KALRN: variants seen among roughly 807,000 people sequenced by gnomAD.
KALRN encodes kalirin.
Under a neutral mutation model 353.7 loss-of-function variants are expected in KALRN, and 70 were observed. The observed-to-expected ratio is 0.20, with a 90% confidence interval of 0.16 to 0.24. The LOEUF (loss-of-function observed/expected upper bound fraction) is 0.24, where lower values mean the gene tolerates loss of function less well. Ranked by LOEUF, KALRN falls within the 10% of genes least tolerant of loss-of-function variation. The pLI, the probability that KALRN is intolerant of heterozygous loss-of-function variation, is 1.00. For synonymous variants in KALRN, 1,391 were observed against 1,434.8 expected (o/e 0.97, Z 0.69); for missense variants, 2,791 against 3,756.7 (o/e 0.74, Z 6.72).
chr3:124,657,300 AC>A (rs11290385), intron 39 of KALRN, 147 bp from the exon 40 acceptor site: 31,906 of 617,026 alleles, frequency 0.052, 1,317 homozygotes, highest in African/African-American at 0.17. Flanking sequence ...GGGGTTAAAG[AC>A]CTGGTTGAAT....
intron 34 of KALRN, among the ~76,000 whole-genome samples, chr3:124,623,427 C>CACACACAA (rs139583497): frequency 7.6e-4 from 112 of 147,128 alleles, no homozygotes; most frequent in Non-Finnish European, 1.1e-3. Context: ...CACACACACA[C>CACACACAA]AAAAGGGAGT....
intron 1 of KALRN, among the ~76,000 whole-genome samples, chr3:124,078,590 G>T (rs2060380690): frequency 1.3e-5 from 2 of 152,072 alleles, no homozygotes; most frequent in Non-Finnish European, 2.9e-5. Flanking sequence ...CACTGAGGAG[G>T]ATATGGGAGC....
chr3:124,594,462 G>C (rs1048560400), intron 34 of KALRN, among the ~76,000 whole-genome samples: 2 of 152,152 alleles, frequency 1.3e-5, no homozygotes, highest in Admixed American at 6.5e-5. Flanking sequence ...TTGACCTTGT[G>C]ATCCGCCTGC....
At chr3:124,189,018 T>C (rs2074576511) in intron 1 of KALRN, among the ~76,000 whole-genome samples, 1 of 152,176 alleles carries the variant, frequency 6.6e-6, no homozygotes, top group Admixed American at 6.5e-5. Flanking sequence ...TTATCTTTCT[T>C]ATACTTGTCA....
At chr3:124,072,194 A>G (rs534847185) in intron 1 of KALRN, among the ~76,000 whole-genome samples, 5 of 152,282 alleles carry the variant, frequency 3.3e-5, no homozygotes, top group Admixed American at 2.6e-4. Flanking sequence ...CAATTTTCTA[A>G]ATACAATCCA....
chr3:124,579,375 G>A (rs1278329867), intron 34 of KALRN, among the ~76,000 whole-genome samples: 1 of 152,220 alleles, frequency 6.6e-6, no homozygotes, highest in Non-Finnish European at 1.5e-5. Context: ...TTAGGCTGCA[G>A]GTATCACTGA....
At chr3:124,342,935 G>C (rs1377456268) in intron 9 of KALRN, among the ~76,000 whole-genome samples, 1 of 152,196 alleles carries the variant, frequency 6.6e-6, no homozygotes, top group Non-Finnish European at 1.5e-5. Context: ...CTTCCACTCA[G>C]TTATTCAAGA....
intron 1 of KALRN, among the ~76,000 whole-genome samples, chr3:124,110,870 G>C (rs1211065398): frequency 6.6e-6 from 1 of 152,142 alleles, no homozygotes; most frequent in Non-Finnish European, 1.5e-5. Flanking sequence ...CTGGGGCAGA[G>C]GCCCTGGATG....
intron 9 of KALRN, among the ~76,000 whole-genome samples, chr3:124,340,676 T>G (rs2081604903): frequency 6.6e-6 from 1 of 152,142 alleles, no homozygotes; most frequent in Non-Finnish European, 1.5e-5. Flanking sequence ...ATTTTCCAGC[T>G]GGGCGTGGTG....
chr3:124,275,405 AGT>A (rs1284869609), intron 5 of KALRN, among the ~76,000 whole-genome samples: 1 of 152,258 alleles, frequency 6.6e-6, no homozygotes, highest in Admixed American at 6.5e-5. Flanking sequence ...ACATATTTAT[AGT>A]GGGTTCTTCT....
At chr3:124,101,483 A>G (rs1028134010) in intron 1 of KALRN, among the ~76,000 whole-genome samples, 3 of 152,196 alleles carry the variant, frequency 2.0e-5, no homozygotes, top group African/African-American at 4.8e-5. Context: ...CCAGGAATCT[A>G]CTTGGGTTTG....
chr3:124,120,709 AAAATATATATATATATATATAT>A (rs1382999547), intron 1 of KALRN, among the ~76,000 whole-genome samples: 9 of 112,748 alleles, frequency 8.0e-5, no homozygotes, highest in African/African-American at 1.6e-4. Flanking sequence ...AGGAATACTA[AAAATATATATATATATATATAT>A]ATATATATAT....
In KALRN at chr3:124,724,867, G is replaced by A. The variant is rs962306887; in HGVS notation, c.*5397G>A. ...ATTATGATAAGCCTGAAATTAATACGCACAGGCTATTGCATTTTTCTGTGA... is the reference window on the plus strand; with the variant it reads ...ATTATGATAAGCCTGAAATTAATACACACAGGCTATTGCATTTTTCTGTGA... On this transcript the variant is annotated 3_prime_UTR_variant, in exon 60 of 60. Transcript: ENST00000682506. The A allele has an allele frequency of 1.3e-5, 2 of 152,146 alleles. No individual in the cohort carries two copies. Among genetic ancestry groups the A allele is most frequent in the Non-Finnish European group, 2.9e-5 (2 of 68,026 alleles). The allele number at this position is 152,146 out of a possible 1,614,324, so 9.4% of individuals were successfully genotyped here.
chr3:124,608,458 G>A (rs333335), intron 34 of KALRN, among the ~76,000 whole-genome samples: 93,944 of 152,046 alleles, frequency 0.62, 29,555 homozygotes, highest in East Asian at 0.74. Flanking sequence ...TAAGTAGAGG[G>A]CAGCTGAACC....
intron 1 of KALRN, among the ~76,000 whole-genome samples, chr3:124,145,226 A>G (rs2067184575): frequency 1.3e-5 from 2 of 152,196 alleles, no homozygotes; most frequent in South Asian, 4.1e-4. Context: ...CTACTGATCC[A>G]GTGACTCCCT....
chr3:124,452,931 A>G (rs989059355), intron 21 of KALRN, among the ~76,000 whole-genome samples: 1 of 152,222 alleles, frequency 6.6e-6, no homozygotes, highest in Non-Finnish European at 1.5e-5. Context: ...CACTTTACCA[A>G]GAGCAGAGAA....
intron 37 of KALRN, among the ~76,000 whole-genome samples, chr3:124,637,725 C>T (rs996867429): frequency 3.5e-4 from 54 of 152,250 alleles, no homozygotes; most frequent in African/African-American, 8.9e-4. Context: ...AGCCTTCCAG[C>T]GTGCAAAGTC....
chr3:124,117,320 G>T (rs1578237343), intron 1 of KALRN, among the ~76,000 whole-genome samples: 1 of 143,842 alleles, frequency 7.0e-6, no homozygotes. Flanking sequence ...GAAAAACAGT[G>T]TTTTTTTTTT....
chr3:124,131,833 C>T (rs2065326620), intron 1 of KALRN, among the ~76,000 whole-genome samples: 1 of 152,166 alleles, frequency 6.6e-6, no homozygotes, highest in Non-Finnish European at 1.5e-5. Flanking sequence ...AGGCCCATTT[C>T]TGGCTTTTCC....
Sources: gnomAD v4.1 joint callset for allele counts (sites outside exome capture counted in the v4.1 genomes callset) on GRCh38, gnomAD v4.1.1 for gene constraint, MANE v1.5 for transcripts, NCBI Gene and HGNC (gene_info 2026-07-23, HGNC 2026-07-21) for gene names.